The following EPHA5 variants were observed in gnomAD, a reference collection of about 807,000 sequenced individuals.
The protein encoded by EPHA5 is EPH receptor A5, also known as ephrin type-A receptor 5.
In EPHA5, 60 loss-of-function variants were observed where a neutral mutation model predicts 105.0. The observed-to-expected ratio is 0.57, with a 90% confidence interval of 0.46 to 0.71. The LOEUF is 0.71. Ranked by LOEUF, EPHA5 falls within the 30% of genes least tolerant of loss-of-function variation. EPHA5 has a pLI of 0.00. For synonymous variants in EPHA5, 513 were observed against 449.1 expected, an observed-to-expected ratio of 1.14 and a Z score of -1.80; for missense variants, 1,218 against 1,274.7, an observed-to-expected ratio of 0.96 and a Z score of 0.68.
Position 65,601,730 on chromosome 4 carries a change from A to C in EPHA5, c.821T>G (p.Met274Arg). The change falls in exon 3 of 17, where the codon ATG becomes AGG. Residue 274 changes from methionine (M) to arginine (R), a missense_variant. Met to Arg is a moderately conservative substitution (Grantham distance 91). Coordinates refer to ENST00000613740, the MANE Select transcript of EPHA5 (RefSeq NM_001281766.3). Reference protein sequence around the residue: ...NHSVTDEPPKMHCSAEGEWLV... With the variant: ...NHSVTDEPPKRHCSAEGEWLV... ...CCACTCCCCTTCGGCGCTGCAGTGC[A>C]TTTTGGGAGGTTCATCGGTCACAGA... 5 of 1,614,088 alleles carry C rather than the reference A, an allele frequency of 3.1e-6. No homozygotes were observed. The highest frequency in any genetic ancestry group is 4.2e-6 in the Non-Finnish European group (5 of 1,179,998).
In EPHA5 at chr4:65,537,345, A is replaced by G. The variant is rs563561910; in HGVS notation, c.911-41802T>C. Among the ~76,000 whole-genome samples the G allele has an allele frequency of 9.9e-5, 15 of 151,922 alleles. No homozygotes were observed. The South Asian group carries it at 3.1e-3, about 31-fold the overall frequency. On this transcript the variant is annotated intron_variant, in intron 3 of 16. Transcript: ENST00000613740. ...GGTGAGAGATATTTTGTAAAAAATT[A>G]CACCACATAGAAAAATTCAAGTTTT...
At chr4:65,397,765 C>G (rs563914478) in intron 8 of EPHA5, among the ~76,000 whole-genome samples, 5 of 152,112 alleles carry the variant, frequency 3.3e-5, no homozygotes, top group Non-Finnish European at 7.4e-5. Flanking sequence ...CCTTTCTTAC[C>G]AGGGACCCTT....
intron 3 of EPHA5, among the ~76,000 whole-genome samples, chr4:65,500,755 T>G: frequency 6.6e-6 from 1 of 150,470 alleles, no homozygotes; most frequent in East Asian, 1.9e-4. Flanking sequence ...TAATAATTAC[T>G]GTTTTAATAC....
intron 3 of EPHA5, among the ~76,000 whole-genome samples, chr4:65,546,814 C>G (rs2149332246): frequency 6.6e-6 from 1 of 151,632 alleles, no homozygotes; most frequent in East Asian, 1.9e-4. Flanking sequence ...CCATTGAGTT[C>G]TCATTAATCA....
At chr4:65,435,016 G>T (rs1401569722) in intron 5 of EPHA5, among the ~76,000 whole-genome samples, 1 of 151,970 alleles carries the variant, frequency 6.6e-6, no homozygotes, top group Admixed American at 6.6e-5. Flanking sequence ...TTTCCCCATT[G>T]CCCTCTCTAT....
chr4:65,437,105 G>GA (rs1725550811), intron 5 of EPHA5, among the ~76,000 whole-genome samples: 1 of 151,928 alleles, frequency 6.6e-6, no homozygotes, highest in Admixed American at 6.6e-5. Context: ...ATTTCTAACA[G>GA]AAAAAATGAA....
chr4:65,595,801 C>T (rs185166281), intron 3 of EPHA5, among the ~76,000 whole-genome samples: 1 of 152,094 alleles, frequency 6.6e-6, no homozygotes, highest in Admixed American at 6.5e-5. Context: ...AGGATGGTCT[C>T]GATCTCCTGA....
intron 3 of EPHA5, among the ~76,000 whole-genome samples, chr4:65,504,995 TAA>T (rs1335652967): frequency 4.6e-5 from 7 of 152,140 alleles, no homozygotes; most frequent in South Asian, 2.1e-4. Context: ...AGTTAAGAAA[TAA>T]GAGTACTTCA....
intron 14 of EPHA5, among the ~76,000 whole-genome samples, chr4:65,346,438 AT>A (rs1348860284): frequency 6.7e-6 from 1 of 150,280 alleles, no homozygotes; most frequent in East Asian, 1.9e-4. Context: ...TATAATCAAA[AT>A]TTTTCTTCTA....
intron 3 of EPHA5, among the ~76,000 whole-genome samples, chr4:65,497,557 A>AT (rs1450896989): frequency 1.3e-5 from 2 of 152,000 alleles, no homozygotes; most frequent in Non-Finnish European, 2.9e-5. Flanking sequence ...AAGTTATTCA[A>AT]TTTTTCTTCT....
chr4:65,364,156 C>T (rs1053523859), intron 11 of EPHA5, among the ~76,000 whole-genome samples: 2 of 151,578 alleles, frequency 1.3e-5, no homozygotes, highest in East Asian at 1.9e-4. Context: ...AAGAAACCCA[C>T]GTATGTAGTT....
At chr4:65,614,684 C>A (rs1438955180) in intron 2 of EPHA5, among the ~76,000 whole-genome samples, 1 of 151,666 alleles carries the variant, frequency 6.6e-6, no homozygotes, top group Non-Finnish European at 1.5e-5. Context: ...AGGAGAAAAC[C>A]TGGCAGAAAT....
intron 1 of EPHA5, among the ~76,000 whole-genome samples, chr4:65,663,741 A>G (rs1749736951): frequency 6.6e-6 from 1 of 152,050 alleles, no homozygotes; most frequent in Non-Finnish European, 1.5e-5. Flanking sequence ...ATAGAGCCAT[A>G]TCTTTCTTTT....
intron 9 of EPHA5, among the ~76,000 whole-genome samples, chr4:65,366,430 C>T (rs1445711440): frequency 4.0e-5 from 6 of 151,560 alleles, no homozygotes; most frequent in African/African-American, 7.3e-5. Flanking sequence ...CGATATAATC[C>T]CATTAGTATT....
chr4:65,425,160 T>C (rs998509405), intron 5 of EPHA5, among the ~76,000 whole-genome samples: 4 of 152,170 alleles, frequency 2.6e-5, no homozygotes, highest in East Asian at 3.8e-4. Context: ...TGACAGTCCA[T>C]GAATGTGTTA....
At chr4:65,388,662 G>A (rs1185966530) in intron 8 of EPHA5, among the ~76,000 whole-genome samples, 10 of 135,298 alleles carry the variant, frequency 7.4e-5, no homozygotes, top group Non-Finnish European at 1.1e-4. Flanking sequence ...TTTTGATGGG[G>A]TTGTTTTTTT....
intron 3 of EPHA5, among the ~76,000 whole-genome samples, chr4:65,570,723 A>G (rs1306727117): frequency 6.6e-6 from 1 of 152,022 alleles, no homozygotes; most frequent in East Asian, 1.9e-4. Flanking sequence ...TAGTATTCTA[A>G]GCAGAATTTC....
At position 65,529,824 on chromosome 4, in the gene EPHA5, T is replaced by A. The variant is rs574267790; in HGVS notation, c.911-34281A>T. 5.1e-4 allele frequency among the ~76,000 whole-genome samples: 78 copies of A among 152,258 alleles called. 1 individual carries two copies. Among genetic ancestry groups the A allele is most frequent in the African/African-American group, 1.8e-3 (75 of 41,566 alleles). On this transcript the variant is annotated intron_variant, in intron 3 of 16. Coordinates refer to ENST00000613740, the MANE Select transcript of EPHA5 (RefSeq NM_001281766.3). ...TTATAATTAATAGTCTACAAATAAC[T>A]CAATGATCCATTCTTACAAAGTTCT...
At position 65,471,869 on chromosome 4, in the gene EPHA5, A is replaced by G. The variant is rs567409980; in HGVS notation, c.1402+18508T>C. On this transcript the variant is annotated intron_variant, in intron 5 of 16. Coordinates refer to ENST00000613740, the MANE Select transcript of EPHA5 (RefSeq NM_001281766.3). ...TGGGAACACAGAGCCAAACCATATCATTCCTTCCCTGGCCCCTCCCAAATC... is the reference window on the plus strand; with the variant it reads ...TGGGAACACAGAGCCAAACCATATCGTTCCTTCCCTGGCCCCTCCCAAATC... Among the ~76,000 whole-genome samples the G allele has an allele frequency of 4.6e-5, 7 of 152,132 alleles. 1 individual carries two copies. Among genetic ancestry groups the G allele is most frequent in the Admixed American group, 3.3e-4 (5 of 15,262 alleles).
Sources: allele counts gnomAD v4.1 joint callset (sites outside exome capture counted in the v4.1 genomes callset), GRCh38; gene constraint gnomAD v4.1.1; transcripts MANE v1.5; gene names NCBI Gene and HGNC (gene_info 2026-07-23, HGNC 2026-07-21).